EIF4G3: variants seen among roughly 807,000 people sequenced by gnomAD.
EIF4G3 encodes the protein eukaryotic translation initiation factor 4 gamma 3.
A neutral mutation model predicts 186.4 loss-of-function variants in EIF4G3; 34 were observed. The ratio of observed to expected loss-of-function variants is 0.18; its 90% CI spans 0.14 to 0.24. The LOEUF is 0.24. Ranked by LOEUF, EIF4G3 falls within the 10% of genes least tolerant of loss-of-function variation. The pLI is 1.00. For missense variants in EIF4G3, 1,536 were observed against 1,948.5 expected (o/e 0.79, Z 3.99); for synonymous variants, 673 against 679.5 (o/e 0.99, Z 0.15).
chr1:21,115,549 G>C (rs577082718), intron 2 of EIF4G3, among the ~76,000 whole-genome samples: 94 of 152,278 alleles, frequency 6.2e-4, no homozygotes, highest in South Asian at 2.5e-3. Flanking sequence ...CAAGTTATCT[G>C]TGAAGTGCAA....
rs1408904775 is a variant in EIF4G3 at position 20,859,676 on chromosome 1, C to T, written c.3244+709G>A. ...GTGCAGTGGCGCGATCGCGGCTCAC[C>T]GCAACCTCCACCTCCCAGGTTCAAG... On this transcript the variant is annotated intron_variant, in intron 24 of 36. Transcript: ENST00000602326. Among the ~76,000 whole-genome samples, 6 of 152,182 alleles carry T rather than the reference C, an allele frequency of 3.9e-5. No individual in the cohort carries two copies. The East Asian group carries it at 1.2e-3, about 29-fold the overall frequency.
chr1:20,957,257 G>T (rs910331277), intron 12 of EIF4G3, among the ~76,000 whole-genome samples: 2 of 152,066 alleles, frequency 1.3e-5, no homozygotes, highest in Non-Finnish European at 2.9e-5. Context: ...AAACTACACA[G>T]ATACATGGAA....
At chr1:21,067,438 T>C (rs997477052) in intron 3 of EIF4G3, among the ~76,000 whole-genome samples, 3 of 152,146 alleles carry the variant, frequency 2.0e-5, no homozygotes, top group South Asian at 2.1e-4. Context: ...TGGCTTTTAT[T>C]AAATAATATT....
intron 33 of EIF4G3, among the ~76,000 whole-genome samples, chr1:20,819,443 ATATTTATT>A (rs71585785): frequency 2.3e-4 from 34 of 145,308 alleles, no homozygotes; most frequent in South Asian, 6.6e-4. Context: ...CTGAAGTCTC[ATATTTATT>A]TATTTATTTA....
intron 16 of EIF4G3, among the ~76,000 whole-genome samples, chr1:20,896,453 GAAAAAGAAAAAGA>G (rs2088128255): frequency 7.0e-6 from 1 of 141,920 alleles, no homozygotes; most frequent in South Asian, 2.2e-4. Context: ...AAAAAAAAAA[GAAAAAGAAAAAGA>G]AAAAGGAAAA....
chr1:21,085,300 G>A lies in EIF4G3; in HGVS notation c.-196+3838C>T, dbSNP rs546655781. 2.0e-5 allele frequency among the ~76,000 whole-genome samples: 3 copies of A among 152,006 alleles called. No individual in the cohort carries two copies. The South Asian group carries it at 6.2e-4, about 32-fold the overall frequency. ...AGAAAACATTATCGTATTTTAAGAG[G>A]GATTCTGACAATGATGCTGTTCTTT... On this transcript the variant is annotated intron_variant, in intron 3 of 36. Transcript: ENST00000602326.
chr1:20,946,422 C>T (rs986029425), intron 13 of EIF4G3, among the ~76,000 whole-genome samples: 8 of 152,216 alleles, frequency 5.3e-5, no homozygotes, highest in Non-Finnish European at 8.8e-5. Context: ...ATTCATTCAA[C>T]AGTTGTTCTC....
intron 14 of EIF4G3, among the ~76,000 whole-genome samples, chr1:20,940,575 T>C (rs1053603523): frequency 2.0e-5 from 3 of 152,176 alleles, no homozygotes; most frequent in African/African-American, 7.2e-5. Context: ...ATTCACTGCA[T>C]GTCAAGGATC....
At chr1:21,098,540 G>GAA (rs59544256) in intron 2 of EIF4G3, among the ~76,000 whole-genome samples, 2 of 72,698 alleles carry the variant, frequency 2.8e-5, no homozygotes, top group African/African-American at 9.7e-5. Context: ...GCCCTGTCTC[G>GAA]AAAAAAAAAA....
intron 10 of EIF4G3, among the ~76,000 whole-genome samples, chr1:20,974,955 C>G (rs1399458630): frequency 1.3e-5 from 2 of 152,134 alleles, no homozygotes; most frequent in Non-Finnish European, 1.5e-5. Context: ...TCAAATAAGG[C>G]TGGCCCACTT....
At chr1:20,996,107 T>G (rs1206845737) in intron 7 of EIF4G3, among the ~76,000 whole-genome samples, 2 of 152,216 alleles carry the variant, frequency 1.3e-5, no homozygotes, top group African/African-American at 2.4e-5. Flanking sequence ...ATTTTTATTA[T>G]TAGTAGTAGT....
At chr1:21,153,391 G>A (rs1282884693) in intron 2 of EIF4G3, among the ~76,000 whole-genome samples, 1 of 152,208 alleles carries the variant, frequency 6.6e-6, no homozygotes, top group African/African-American at 2.4e-5. Context: ...GACCATTTGA[G>A]AAGGAGGTGA....
chr1:20,956,735 T>C (rs1315843944), intron 12 of EIF4G3, among the ~76,000 whole-genome samples: 1 of 151,896 alleles, frequency 6.6e-6, no homozygotes, highest in Non-Finnish European at 1.5e-5. Context: ...TGCAGTAGCA[T>C]GACCACAGCT....
chr1:20,936,764 C>A (rs1205668748), intron 14 of EIF4G3, among the ~76,000 whole-genome samples: 1 of 152,134 alleles, frequency 6.6e-6, no homozygotes, highest in African/African-American at 2.4e-5. Flanking sequence ...AAATATTTTT[C>A]TTGCACTGAA....
chr1:21,168,328 C>T (rs937856261), intron 2 of EIF4G3, among the ~76,000 whole-genome samples: 2 of 152,032 alleles, frequency 1.3e-5, no homozygotes, highest in East Asian at 1.9e-4. Flanking sequence ...TTGCTTGACC[C>T]GGGAGGCCAA....
At chr1:20,883,105 A>G (rs898799482) in intron 19 of EIF4G3, among the ~76,000 whole-genome samples, 2 of 152,048 alleles carry the variant, frequency 1.3e-5, no homozygotes, top group East Asian at 1.9e-4. Flanking sequence ...ACATTTCGCT[A>G]TAACTAAATA....
chr1:20,831,737 T>C (rs199828386), intron 30 of EIF4G3, among the ~76,000 whole-genome samples: 5,762 of 52,740 alleles, frequency 0.11, no homozygotes, highest in South Asian at 0.18. Context: ...TAGGTATATC[T>C]CCCGATGCTA....
At chr1:21,156,127 C>CAAAAAAAAAAAAAAAAAAAAAAAAAAA (rs59546159) in intron 2 of EIF4G3, among the ~76,000 whole-genome samples, 1 of 125,336 alleles carries the variant, frequency 8.0e-6, no homozygotes, top group Non-Finnish European at 1.6e-5. Context: ...AACTCTGTCT[C>CAAAAAAAAAAAAAAAAAAAAAAAAAAA]AAAAAAAAAA....
At chr1:21,126,505 A>T (rs2097048298) in intron 2 of EIF4G3, among the ~76,000 whole-genome samples, 2 of 152,128 alleles carry the variant, frequency 1.3e-5, no homozygotes, top group South Asian at 4.1e-4. Flanking sequence ...TACAAAAAGT[A>T]AACAGCTAGG....
Sources: allele counts gnomAD v4.1 joint callset (sites outside exome capture counted in the v4.1 genomes callset), GRCh38; gene constraint gnomAD v4.1.1; transcripts MANE v1.5; gene names NCBI Gene and HGNC (gene_info 2026-07-23, HGNC 2026-07-21).